Variants in USP45 observed in about 807,000 individuals in gnomAD.
USP45 encodes ubiquitin carboxyl-terminal hydrolase 45.
Under a neutral mutation model 95.8 loss-of-function variants are expected in USP45, and 89 were observed. That is an observed-to-expected ratio of 0.93 (90% CI 0.78 to 1.11). The LOEUF is 1.11. USP45 is among the 50% of genes least tolerant of loss of function. The pLI, the probability that USP45 is intolerant of heterozygous loss-of-function variation, is 0.00. For missense variants in USP45, 898 were observed against 942.5 expected, an observed-to-expected ratio of 0.95 and a Z score of 0.62; for synonymous variants, 281 against 316.2, an observed-to-expected ratio of 0.89 and a Z score of 1.18.
intron 5 of USP45, among the ~76,000 whole-genome samples, chr6:99,491,222 C>G (rs1190326342): frequency 6.6e-6 from 1 of 152,046 alleles, no homozygotes; most frequent in Non-Finnish European, 1.5e-5. Flanking sequence ...GTACAAACAC[C>G]AGGCATGGAA....
chr6:99,446,042 TC>T lies in USP45; in HGVS notation c.1729del (p.Glu577LysfsTer5), dbSNP rs1205373328. 6.2e-7 allele frequency: 1 copy of T among 1,614,082 alleles called. No homozygotes were observed. On this transcript the variant is annotated frameshift_variant, in exon 14 of 18. Coordinates refer to ENST00000500704, the MANE Select transcript of USP45 (RefSeq NM_001346022.3). LOFTEE classifies it high-confidence loss of function. The part of the protein sequence containing the change: ...TVTGDQDFDR[E>X]NQPLNISNNL... The stretch of plus-strand genomic sequence containing the variant: ...ATTTGAAATATTTAGTGGCTGATTT[TC>T]TCTGTCAAAATCTTGATCTCCAGTT...
intron 9 of USP45, among the ~76,000 whole-genome samples, chr6:99,474,509 A>T (rs1583217931): frequency 1.3e-5 from 2 of 152,072 alleles, no homozygotes; most frequent in East Asian, 1.9e-4. Context: ...AATTTTTTTT[A>T]AAAAAGGAAG....
At chr6:99,517,259 T>A (rs564082571), upstream of USP45, among the ~76,000 whole-genome samples, 1 of 152,308 alleles carries the variant, frequency 6.6e-6, no homozygotes, top group East Asian at 1.9e-4. Flanking sequence ...AATGACATTA[T>A]AACAAAACAT....
intron 9 of USP45, among the ~76,000 whole-genome samples, chr6:99,473,346 C>T (rs1222683280): frequency 2.0e-5 from 3 of 151,728 alleles, no homozygotes; most frequent in African/African-American, 4.8e-5. Context: ...TCGAAACAAG[C>T]CTGGCCAAAG....
chr6:99,474,331 G>A (rs546666010), intron 9 of USP45, among the ~76,000 whole-genome samples: 4 of 152,250 alleles, frequency 2.6e-5, no homozygotes, highest in African/African-American at 7.2e-5. Flanking sequence ...CCAAGAAGCT[G>A]GGATTACAGG....
chr6:99,450,511 A>G (rs1350805134), intron 13 of USP45, among the ~76,000 whole-genome samples: 2 of 152,244 alleles, frequency 1.3e-5, no homozygotes, highest in Admixed American at 1.3e-4. Context: ...GAATAGATCA[A>G]TAACAGGCTC....
intron 15 of USP45, among the ~76,000 whole-genome samples, chr6:99,441,703 C>A (rs1053512505): frequency 6.6e-6 from 1 of 152,114 alleles, no homozygotes; most frequent in Non-Finnish European, 1.5e-5. Context: ...AAAAAAGAAT[C>A]TGCCATTTTA....
Position 99,435,712 on chromosome 6 carries a change from A to G in USP45, c.*4T>C, listed in dbSNP as rs1483399536. The G allele has an allele frequency of 1.9e-6, 3 of 1,609,222 alleles. No individual in the cohort carries two copies. Among genetic ancestry groups the G allele is most frequent in the Middle Eastern group, 1.7e-4 (1 of 6,050 alleles). ...ATGACCTAAATAATCATTACCATTA[A>G]TAGTTATAATACTCTTTCATAGAAA... On this transcript the variant is annotated 3_prime_UTR_variant, in exon 18 of 18. Transcript: ENST00000500704.
chr6:99,466,667 C>A lies in USP45; in HGVS notation c.1107+5G>T, dbSNP rs770878587. The A allele has an allele frequency of 6.2e-7, 1 of 1,607,534 alleles. No homozygotes were observed. Among genetic ancestry groups the A allele is most frequent in the South Asian group, 1.1e-5 (1 of 90,706 alleles). On this transcript the variant is annotated splice_donor_5th_base_variant and intron_variant, in intron 11 of 17. Coordinates refer to ENST00000500704, the MANE Select transcript of USP45 (RefSeq NM_001346022.3). ...CCATGCTGAATTGAATTCTAAAGTA[C>A]CTACATTTGCACATTCTTCACACAT...
At chr6:99,444,827 A>G (rs1319150826) in intron 14 of USP45, among the ~76,000 whole-genome samples, 1 of 152,204 alleles carries the variant, frequency 6.6e-6, no homozygotes, top group Non-Finnish European at 1.5e-5. Context: ...GGTCCTGTGC[A>G]GCATGGTGGG....
chr6:99,435,804 T>C lies in USP45; in HGVS notation c.2357A>G (p.His786Arg), dbSNP rs779789728. The change falls in exon 18 of 18, where the codon CAT (histidine) becomes CGT (arginine). Residue 786 changes from histidine to arginine, a missense_variant. Physicochemically the swap from His to Arg is conservative, Grantham distance 29. Transcript: ENST00000500704. ...CACCTGTAAGTAAGTGTCACTAACA[T>C]GGACCCACTGGCCTGCTGATTCATT... Reference protein sequence around the residue: ...ADNESAGQWVHVSDTYLQVVP... With the variant: ...ADNESAGQWVRVSDTYLQVVP... 2 of 1,613,706 alleles carry C rather than the reference T, an allele frequency of 1.2e-6. No individual in the cohort carries two copies. Among genetic ancestry groups the C allele is most frequent in the East Asian group, 2.2e-5 (1 of 44,834 alleles).
At chr6:99,515,770 C>CTTTTTTTT (rs56926251), upstream of USP45, among the ~76,000 whole-genome samples, 7 of 88,468 alleles carry the variant, frequency 7.9e-5, no homozygotes, top group Non-Finnish European at 1.0e-4. Flanking sequence ...CCTCTGAACT[C>CTTTTTTTT]TTTTTTTTTT....
intron 5 of USP45, among the ~76,000 whole-genome samples, chr6:99,490,638 T>TG (rs1438277103): frequency 6.6e-6 from 1 of 152,060 alleles, no homozygotes; most frequent in Non-Finnish European, 1.5e-5. Context: ...GGTACAGCAC[T>TG]GGGGGGACTG....
intron 15 of USP45, among the ~76,000 whole-genome samples, chr6:99,440,277 G>A (rs1208686041): frequency 6.6e-6 from 1 of 152,116 alleles, no homozygotes; most frequent in African/African-American, 2.4e-5. Context: ...GTCCTTTTCA[G>A]TTCTAAAATT....
In USP45 at chr6:99,435,217, ATATT is replaced by A. The variant is rs1257995434; in HGVS notation, c.*495_*498del. On this transcript the variant is annotated 3_prime_UTR_variant, in exon 18 of 18. Transcript: ENST00000500704. The stretch of plus-strand genomic sequence containing the variant: ...AACAATTTTTAATAGTTTTACTTTA[ATATT>A]TATTATAAAAATATAAAAGCACATA... 2 of 152,616 alleles carry A rather than the reference ATATT, an allele frequency of 1.3e-5. No individual in the cohort carries two copies. Among genetic ancestry groups the A allele is most frequent in the African/African-American group, 2.4e-5 (1 of 41,464 alleles). The allele number at this position is 152,616 out of a possible 1,614,324, so 9.5% of individuals were successfully genotyped here.
rs181569759 is a variant in USP45 at position 99,434,800 on chromosome 6, C to T, written c.*916G>A. ...TTGGTAATTTATATTTCAAAGCTAT[C>T]CTATGGTCCTATATGGATTATCAAC... On this transcript the variant is annotated 3_prime_UTR_variant, in exon 18 of 18. Coordinates refer to ENST00000500704, the MANE Select transcript of USP45 (RefSeq NM_001346022.3). 4.6e-5 allele frequency: 7 copies of T among 152,246 alleles called. No individual in the cohort carries two copies. In the East Asian group the frequency reaches 1.3e-3, roughly 29 times the overall value. 9.4% of individuals were successfully genotyped at this position (152,246 alleles called of 1,614,324 possible).
At chr6:99,447,815 C>CT (rs1285841357) in intron 13 of USP45, among the ~76,000 whole-genome samples, 1 of 152,200 alleles carries the variant, frequency 6.6e-6, no homozygotes, top group Non-Finnish European at 1.5e-5. Context: ...ACACTGACAC[C>CT]TCACACGGCC....
At chr6:99,457,348 C>T (rs1785334210) in intron 13 of USP45, among the ~76,000 whole-genome samples, 1 of 152,118 alleles carries the variant, frequency 6.6e-6, no homozygotes, top group African/African-American at 2.4e-5. Context: ...TGGGGCATCA[C>T]GTAACCTACC....
At chr6:99,483,444 C>T (rs1792925795) in intron 7 of USP45, among the ~76,000 whole-genome samples, 1 of 152,062 alleles carries the variant, frequency 6.6e-6, no homozygotes. Context: ...TTTTTCCCCT[C>T]GAAATCTGGT....
Sources: allele counts gnomAD v4.1 joint callset (sites outside exome capture counted in the v4.1 genomes callset), GRCh38; gene constraint gnomAD v4.1.1; transcripts MANE v1.5; gene names NCBI Gene and HGNC (gene_info 2026-07-23, HGNC 2026-07-21).